The following SLCO6A1 variants were observed in gnomAD, a reference collection of about 807,000 sequenced individuals.
SLCO6A1 encodes solute carrier organic anion transporter family member 6A1.
SLCO6A1 carries 65 observed loss-of-function variants against 72.7 expected under a neutral mutation model. The ratio of observed to expected loss-of-function variants is 0.89; its 90% confidence interval spans 0.73 to 1.10. The LOEUF (loss-of-function observed/expected upper bound fraction) is 1.10, where lower values mean the gene tolerates loss of function less well. Among genes scored for constraint, SLCO6A1 ranks in the 50% least tolerant of loss-of-function variants. The pLI is 0.00. For missense variants in SLCO6A1, 874 were observed against 872.6 expected, an observed-to-expected ratio of 1.00 and a Z score of -0.02; for synonymous variants, 314 against 298.2, an observed-to-expected ratio of 1.05 and a Z score of -0.55.
intron 12 of SLCO6A1, among the ~76,000 whole-genome samples, chr5:102,379,446 T>C (rs964984343): frequency 1.3e-5 from 2 of 152,158 alleles, no homozygotes; most frequent in African/African-American, 4.8e-5. Context: ...GATGTTTGTA[T>C]AAGATGTGAG....
At chr5:102,392,587 T>A (rs951302823) in intron 10 of SLCO6A1, among the ~76,000 whole-genome samples, 7 of 152,114 alleles carry the variant, frequency 4.6e-5, no homozygotes, top group African/African-American at 1.4e-4. Flanking sequence ...GATGAAAAGA[T>A]AAATAATTTC....
At chr5:102,382,632 T>A (rs968976330) in intron 12 of SLCO6A1, among the ~76,000 whole-genome samples, 1 of 151,716 alleles carries the variant, frequency 6.6e-6, no homozygotes, top group African/African-American at 2.4e-5. Context: ...GATATTTCCA[T>A]CTATTAGTGT....
rs113403517 is a variant in SLCO6A1 at position 102,432,087 on chromosome 5, G to A, written c.1276+6530C>T. On this transcript the variant is annotated intron_variant, in intron 7 of 13. Coordinates refer to ENST00000506729, the MANE Select transcript of SLCO6A1 (RefSeq NM_173488.5). The stretch of plus-strand genomic sequence containing the variant: ...TCATTTTCCCCTTCAGTTTCCATTC[G>A]CTTGGTAGATTTTTCTTCATCTATT... 2.3e-3 allele frequency among the ~76,000 whole-genome samples: 349 copies of A among 151,956 alleles called. 3 individuals carry two copies. Among genetic ancestry groups the A allele is most frequent in the African/African-American group, 7.8e-3 (323 of 41,426 alleles).
chr5:102,373,634 G>A, intron 12 of SLCO6A1, 140 bp from the exon 13 acceptor site: 2 of 438,636 alleles, frequency 4.6e-6, no homozygotes, highest in Non-Finnish European at 3.8e-6. Context: ...TGCAATTAAT[G>A]CCATAAAATT....
intron 12 of SLCO6A1, among the ~76,000 whole-genome samples, chr5:102,384,533 T>C (rs540432179): frequency 6.6e-6 from 1 of 152,202 alleles, no homozygotes; most frequent in South Asian, 2.1e-4. Context: ...TTGTTACAGT[T>C]TCTGGTTACC....
chr5:102,391,325 A>G (rs1580341281), intron 10 of SLCO6A1: 2 of 383,732 alleles, frequency 5.2e-6, no homozygotes, highest in East Asian at 9.2e-5. Context: ...CCTTTGCTGG[A>G]AAGACTTAGC....
In SLCO6A1 at chr5:102,437,940, C is replaced by T. The variant is rs78436957; in HGVS notation, c.1276+677G>A. On this transcript the variant is annotated intron_variant, in intron 7 of 13. Coordinates refer to ENST00000506729, the MANE Select transcript of SLCO6A1 (RefSeq NM_173488.5). ...ACTTTAAAACATTTAATTCCATTTG[C>T]AACCTCTTTTGGAGAGCCAATTCTC... Among the ~76,000 whole-genome samples, 271 of 152,198 alleles carry T rather than the reference C, an allele frequency of 1.8e-3. 6 individuals carry two copies. In the East Asian group the frequency reaches 0.047, roughly 26 times the overall value.
At chr5:102,469,401 G>A (rs1388952743) in intron 4 of SLCO6A1, among the ~76,000 whole-genome samples, 8 of 152,010 alleles carry the variant, frequency 5.3e-5, no homozygotes, top group Admixed American at 5.2e-4. Flanking sequence ...TGGATTCCTA[G>A]TTATTTTATT....
Position 102,438,768 on chromosome 5 carries a change from T to C in SLCO6A1, c.1132-7A>G, listed in dbSNP as rs1388722616. 1 of 1,522,818 alleles carries C rather than the reference T, an allele frequency of 6.6e-7. No homozygotes were observed. The highest frequency in any genetic ancestry group is 2.4e-5 in the Admixed American group (1 of 42,542). The allele number at this position is 1,522,818 out of a possible 1,614,324, so 94.3% of individuals were successfully genotyped here. On this transcript the variant is annotated splice_region_variant and splice_polypyrimidine_tract_variant and intron_variant, in intron 6 of 13. Coordinates refer to ENST00000506729, the MANE Select transcript of SLCO6A1 (RefSeq NM_173488.5). ...CTGGATTCTTCATCAGAATCTGAAA[T>C]AAAAATAAGTTATATATCTATTATT...
intron 1 of SLCO6A1, among the ~76,000 whole-genome samples, chr5:102,488,415 A>G (rs1261121702): frequency 6.6e-6 from 1 of 152,190 alleles, no homozygotes; most frequent in Admixed American, 6.5e-5. Flanking sequence ...CAAATATTCT[A>G]TTTTAAAAAG....
At chr5:102,416,953 G>A (rs969393878) in intron 8 of SLCO6A1, among the ~76,000 whole-genome samples, 6 of 152,012 alleles carry the variant, frequency 3.9e-5, no homozygotes, top group African/African-American at 1.4e-4. Flanking sequence ...TTATTGTTGA[G>A]CCTTCTTCTA....
intron 4 of SLCO6A1, among the ~76,000 whole-genome samples, chr5:102,475,151 C>T (rs144936300): frequency 4.1e-4 from 63 of 152,080 alleles, no homozygotes; most frequent in African/African-American, 1.5e-3. Context: ...TTAATTGCAG[C>T]ATTATTCACA....
chr5:102,377,079 A>C (rs2112471949), intron 12 of SLCO6A1, among the ~76,000 whole-genome samples: 1 of 152,242 alleles, frequency 6.6e-6, no homozygotes, highest in African/African-American at 2.4e-5. Flanking sequence ...CAGGAGGATT[A>C]CTTGAGGACA....
chr5:102,497,680 C>T (rs1418697248), intron 1 of SLCO6A1, among the ~76,000 whole-genome samples: 4 of 152,198 alleles, frequency 2.6e-5, no homozygotes, highest in Non-Finnish European at 4.4e-5. Flanking sequence ...AACCTTTAAA[C>T]TCCTTGTTCA....
rs772016519 is a variant in SLCO6A1, at chr5:102,373,338, CAAT to C, written c.*11_*13del. Reference sequence around the variant, plus strand: ...AGATTGACAATGTGTAATTCTTACACAATGATGATCCAGTTACAAGTCAGTTTC... The same window carrying C: ...AGATTGACAATGTGTAATTCTTACACGATGATCCAGTTACAAGTCAGTTTC... On this transcript the variant is annotated splice_region_variant and 3_prime_UTR_variant, in exon 13 of 14. Transcript: ENST00000506729. 3 of 1,532,712 alleles carry C rather than the reference CAAT, an allele frequency of 2.0e-6. No homozygotes were observed. Among genetic ancestry groups the C allele is most frequent in the Admixed American group, 4.3e-5 (2 of 46,694 alleles). The allele number at this position is 1,532,712 out of a possible 1,614,324, so 94.9% of individuals were successfully genotyped here.
At chr5:102,461,350 AT>A (rs1296421855) in intron 4 of SLCO6A1, among the ~76,000 whole-genome samples, 3 of 152,100 alleles carry the variant, frequency 2.0e-5, no homozygotes, top group Non-Finnish European at 4.4e-5. Context: ...GTATAAAAAG[AT>A]AACAGTCCTA....
chr5:102,417,802 G>A lies in SLCO6A1; in HGVS notation c.1472+2024C>T, dbSNP rs905068176. 3.3e-5 allele frequency among the ~76,000 whole-genome samples: 5 copies of A among 152,094 alleles called. No individual in the cohort carries two copies. In the East Asian group the frequency reaches 9.7e-4, roughly 29 times the overall value. On this transcript the variant is annotated intron_variant, in intron 8 of 13. Coordinates refer to ENST00000506729, the MANE Select transcript of SLCO6A1 (RefSeq NM_173488.5). Reference sequence around the variant, plus strand: ...GTGGGTCAGGAGTTAAGACCAGCCTGGCCAATATGGTGAACCCTGTCTCTA... The same window carrying A: ...GTGGGTCAGGAGTTAAGACCAGCCTAGCCAATATGGTGAACCCTGTCTCTA...
chr5:102,454,051 A>G (rs1452353404), intron 6 of SLCO6A1, among the ~76,000 whole-genome samples: 1 of 152,188 alleles, frequency 6.6e-6, no homozygotes, highest in African/African-American at 2.4e-5. Flanking sequence ...CATTGGCCAG[A>G]TATATCTTTT....
rs184759311 is a variant in SLCO6A1 at position 102,395,222 on chromosome 5, G to A, written c.1815-4177C>T. On this transcript the variant is annotated intron_variant, in intron 10 of 13. Coordinates refer to ENST00000506729, the MANE Select transcript of SLCO6A1 (RefSeq NM_173488.5). ...GACCCCACAACAGGCCCTGGTGTGT[G>A]ATGTTCCCCTTCCTGTGTCCATGTG... Among the ~76,000 whole-genome samples the A allele has an allele frequency of 3.3e-3, 494 of 151,380 alleles. 1 individual carries two copies. Among genetic ancestry groups the A allele is most frequent in the African/African-American group, 0.012 (475 of 41,202 alleles).
Sources: gnomAD v4.1 joint callset for allele counts (sites outside exome capture counted in the v4.1 genomes callset) on GRCh38, gnomAD v4.1.1 for gene constraint, MANE v1.5 for transcripts, NCBI Gene and HGNC (gene_info 2026-07-23, HGNC 2026-07-21) for gene names.